The following CSRP2 variants were observed in gnomAD, a reference collection of about 807,000 sequenced individuals.
CSRP2 encodes the protein cysteine and glycine-rich protein 2.
Under a neutral mutation model 24.6 loss-of-function variants are expected in CSRP2, and 18 were observed. The observed-to-expected ratio is 0.73, with a 90% CI of 0.51 to 1.09. CSRP2 has a LOEUF of 1.09. CSRP2 is among the 50% of genes least tolerant of loss of function. The pLI, the probability that CSRP2 is intolerant of heterozygous loss-of-function variation, is 0.00. For synonymous variants in CSRP2, 87 were observed against 84.3 expected (o/e 1.03, Z -0.18); for missense variants, 215 against 239.4 (o/e 0.90, Z 0.67).
Position 76,865,995 on chromosome 12 carries a change from G to A in CSRP2, c.112+154C>T, listed in dbSNP as rs1592509805. 3.2e-5 allele frequency: 20 copies of A among 624,878 alleles called. No homozygotes were observed. The East Asian group carries it at 5.7e-4, about 18-fold the overall frequency. 38.7% of individuals were successfully genotyped at this position (624,878 alleles called of 1,614,324 possible). ...CCACCCCTCCTGTCTTCGCTGCTAGGCTTGGCATTTACAACATCTAAGAAG... is the reference window on the plus strand; with the variant it reads ...CCACCCCTCCTGTCTTCGCTGCTAGACTTGGCATTTACAACATCTAAGAAG... On this transcript the variant is annotated intron_variant, in intron 2 of 5. Coordinates refer to ENST00000311083, the MANE Select transcript of CSRP2 (RefSeq NM_001321.3).
chr12:76,867,332 T>TAA (rs33997080), intron 1 of CSRP2, among the ~76,000 whole-genome samples: 10 of 100,164 alleles, frequency 1.0e-4, no homozygotes, highest in Admixed American at 4.7e-4. Context: ...CTGCTAAATT[T>TAA]AAAAAAAAAA....
chr12:76,860,048 T>G (rs1460090011), intron 4 of CSRP2, among the ~76,000 whole-genome samples: 3 of 152,222 alleles, frequency 2.0e-5, no homozygotes, highest in African/African-American at 7.2e-5. Flanking sequence ...TTTTAAAGTT[T>G]AACCTTCAGG....
rs759904407 is a variant in CSRP2, at chr12:76,860,327, C to T, written c.368G>A (p.Gly123Glu). 3 of 1,614,096 alleles carry T rather than the reference C, an allele frequency of 1.9e-6. No homozygotes were observed. In the East Asian group the frequency reaches 6.7e-5, roughly 36 times the overall value. ...YGGAEKCSRC[G>E]DSVYAAEKII... ...CTTCTCGGCAGCATATACAGAATCCCCACATCTGGAACACTTCTCAGCACC... is the reference window on the plus strand; with the variant it reads ...CTTCTCGGCAGCATATACAGAATCCTCACATCTGGAACACTTCTCAGCACC... The change falls in exon 4 of 6, where the codon GGG becomes GAG. Residue 123 changes from glycine to glutamate, a missense_variant. Physicochemically the swap from Gly to Glu is moderately conservative, Grantham distance 98. Coordinates refer to ENST00000311083, the MANE Select transcript of CSRP2 (RefSeq NM_001321.3).
At chr12:76,870,107 C>T (rs1279931158) in intron 1 of CSRP2, among the ~76,000 whole-genome samples, 2 of 152,182 alleles carry the variant, frequency 1.3e-5, no homozygotes, top group Non-Finnish European at 2.9e-5. Context: ...TTGTTGTTGT[C>T]GAGGCATTTC....
At chr12:76,862,096 T>C (rs1953686793) in intron 3 of CSRP2, 1 of 152,266 alleles carries the variant, frequency 6.6e-6, no homozygotes, top group Non-Finnish European at 1.5e-5. Context: ...TAACATATGC[T>C]AATGCTGCAC....
chr12:76,876,308 A>G (rs1396503193), intron 1 of CSRP2, among the ~76,000 whole-genome samples: 1 of 152,250 alleles, frequency 6.6e-6, no homozygotes, highest in Non-Finnish European at 1.5e-5. Flanking sequence ...ATCATTCACC[A>G]TGTACTTCTA....
At chr12:76,877,146 C>T (rs1953860886) in intron 1 of CSRP2, among the ~76,000 whole-genome samples, 1 of 152,208 alleles carries the variant, frequency 6.6e-6, no homozygotes, top group African/African-American at 2.4e-5. Context: ...AAGAAGAAAA[C>T]CTAGAGACCC....
Position 76,863,215 on chromosome 12 carries a change from T to A in CSRP2, c.242A>T (p.Asn81Ile), listed in dbSNP as rs1429150440. 1 of 1,614,214 alleles carries A rather than the reference T, an allele frequency of 6.2e-7. No homozygotes were observed. Among genetic ancestry groups the A allele is most frequent in the Admixed American group, 1.7e-5 (1 of 60,028 alleles). The change falls in exon 3 of 6, where the codon AAC becomes ATC. Residue 81 changes from asparagine (N) to isoleucine (I), a missense_variant. Coordinates refer to ENST00000311083, the MANE Select transcript of CSRP2 (RefSeq NM_001321.3). Reference protein sequence around the residue: ...YGYGQGAGTLNMDRGERLGIK... With the variant: ...YGYGQGAGTLIMDRGERLGIK... ...GCCCAGCCTCTCGCCACGGTCCATG[T>A]TAAGCGTGCCAGCGCCCTGGCCATA...
intron 1 of CSRP2, among the ~76,000 whole-genome samples, chr12:76,866,517 T>C (rs1436835029): frequency 1.3e-5 from 2 of 151,830 alleles, no homozygotes; most frequent in East Asian, 1.9e-4. Context: ...TTCAGTACAA[T>C]AGTACAGGTC....
chr12:76,869,944 A>G (rs534819605), intron 1 of CSRP2, among the ~76,000 whole-genome samples: 4 of 152,258 alleles, frequency 2.6e-5, no homozygotes, highest in Admixed American at 1.3e-4. Context: ...CTCCAAAGCT[A>G]CCTGTATTCT....
Position 76,858,864 on chromosome 12 carries a change from A to T in CSRP2, c.*88T>A. On this transcript the variant is annotated 3_prime_UTR_variant, in exon 6 of 6. Transcript: ENST00000311083. The stretch of plus-strand genomic sequence containing the variant: ...ATATACAGTACTTAATGCTGGTAGA[A>T]TTTCACAGTAGTTTAGTGTTAAAGA... 8.1e-7 allele frequency: 1 copy of T among 1,238,846 alleles called. No individual in the cohort carries two copies. Among genetic ancestry groups the T allele is most frequent in the South Asian group, 1.2e-5 (1 of 80,888 alleles). 76.7% of individuals were successfully genotyped at this position (1,238,846 alleles called of 1,614,324 possible).
In CSRP2 at chr12:76,860,480, G is replaced by T. The variant is rs1953664932; in HGVS notation, c.282-67C>A. 1.9e-6 allele frequency: 3 copies of T among 1,571,358 alleles called. 1 individual carries two copies. The highest frequency in any genetic ancestry group is 4.5e-5 in the East Asian group (2 of 44,428). Reference sequence around the variant, plus strand: ...AGGGCCCTTTTAAGTACACAAGGCAGGAACAATAGAACTCTGGGACTTAAC... The same window carrying T: ...AGGGCCCTTTTAAGTACACAAGGCATGAACAATAGAACTCTGGGACTTAAC... On this transcript the variant is annotated intron_variant, in intron 3 of 5. Transcript: ENST00000311083.
chr12:76,871,621 G>A (rs1227762622), intron 1 of CSRP2, among the ~76,000 whole-genome samples: 2 of 151,984 alleles, frequency 1.3e-5, no homozygotes, highest in African/African-American at 2.4e-5. Context: ...ATACTTAGCC[G>A]GGCGCGGTGG....
chr12:76,865,046 C>T (rs1953721325), intron 2 of CSRP2: 1 of 152,178 alleles, frequency 6.6e-6, no homozygotes, highest in South Asian at 2.1e-4. Context: ...GGTCTGCAAA[C>T]TACTCTGAAT....
At chr12:76,877,932 C>T (rs1360633573) in intron 1 of CSRP2, among the ~76,000 whole-genome samples, 1 of 151,988 alleles carries the variant, frequency 6.6e-6, no homozygotes, top group Non-Finnish European at 1.5e-5. Context: ...TTTCGCTGCC[C>T]GGGTTAAAAA....
Position 76,858,799 on chromosome 12 carries a change from C to T in CSRP2, c.*153G>A. The T allele has an allele frequency of 1.6e-6, 1 of 607,450 alleles. No homozygotes were observed. The highest frequency in any genetic ancestry group is 2.9e-5 in the Admixed American group (1 of 34,074). The allele number at this position is 607,450 out of a possible 1,614,324, so 37.6% of individuals were successfully genotyped here. The stretch of plus-strand genomic sequence containing the variant: ...AAGCAAAAGGATACCATACAGTGCT[C>T]TCTTCCTACGAGTTAGCCAGCCTAT... On this transcript the variant is annotated 3_prime_UTR_variant, in exon 6 of 6. Transcript: ENST00000311083.
At chr12:76,859,052 T>C (rs771211019) in intron 5 of CSRP2, 24 bp from the exon 6 acceptor site, 5 of 1,606,992 alleles carry the variant, frequency 3.1e-6, no homozygotes, top group Non-Finnish European at 4.3e-6. Context: ...GGAGGAAGGA[T>C]AGTTAGTGCA....
chr12:76,865,519 C>A (rs1419667889), intron 2 of CSRP2: 1 of 152,192 alleles, frequency 6.6e-6, no homozygotes, highest in Non-Finnish European at 1.5e-5. Flanking sequence ...AGAAAGAAGT[C>A]TTTTCCTGAA....
Position 76,863,310 on chromosome 12 carries a change from C to T in CSRP2, c.147G>A (p.Val49=). 6.2e-7 allele frequency: 1 copy of T among 1,614,174 alleles called. No individual in the cohort carries two copies. Among genetic ancestry groups the T allele is most frequent in the Admixed American group, 1.7e-5 (1 of 60,024 alleles). Residue 49 remains valine, a synonymous_variant, in exon 3 of 6, where the codon GTG becomes GTA. Coordinates refer to ENST00000311083, the MANE Select transcript of CSRP2 (RefSeq NM_001321.3). ...VCRKNLDSTT[V]AIHDEEIYCK... is the part of the protein sequence containing the mutation. ...AGTAGATCTCTTCATCGTGAATTGC[C>T]ACTGTTGTGCTATCTAAATTTTTCC...
Sources: gnomAD v4.1 joint callset for allele counts (sites outside exome capture counted in the v4.1 genomes callset) on GRCh38, gnomAD v4.1.1 for gene constraint, MANE v1.5 for transcripts, NCBI Gene and HGNC (gene_info 2026-07-23, HGNC 2026-07-21) for gene names.